The following ZNF517 variants were observed in gnomAD, a reference collection of about 807,000 sequenced individuals.
The protein encoded by ZNF517 is zinc finger protein 517.
ZNF517 carries 12 observed loss-of-function variants against 12.1 expected under a neutral mutation model. The ratio of observed to expected loss-of-function variants is 0.99; its 90% CI spans 0.63 to 1.61. The LOEUF (loss-of-function observed/expected upper bound fraction) is 1.61, where lower values mean the gene tolerates loss of function less well. Among genes scored for constraint, ZNF517 ranks in the 40% most tolerant of loss-of-function variants. The probability of loss-of-function intolerance (pLI) is 0.00; values close to 1 mark genes in which losing one functional copy is unlikely to be tolerated. For synonymous variants in ZNF517, 388 were observed against 310.2 expected (o/e 1.25, Z -2.63); for missense variants, 781 against 693.2 (o/e 1.13, Z -1.42).
intron 1 of ZNF517, among the ~76,000 whole-genome samples, chr8:144,799,499 T>TA (rs1826838759): frequency 6.6e-6 from 1 of 152,214 alleles, no homozygotes; most frequent in African/African-American, 2.4e-5. Context: ...TGAATTGTAA[T>TA]AGAGGTGAGG....
chr8:144,807,588 G>A lies in ZNF517; in HGVS notation c.672G>A (p.Gln224=), dbSNP rs940049236. 6 of 1,605,228 alleles carry A rather than the reference G, an allele frequency of 3.7e-6. No individual in the cohort carries two copies. In the African/African-American group the frequency reaches 6.7e-5, roughly 18 times the overall value. ...FKQSSILLRH[Q]LIHTEEKPFQ... ...AAAGCTCCATCCTGCTGCGGCACCA[G>A]CTGATCCACACTGAGGAGAAGCCGT... is the stretch of plus-strand genomic sequence containing the variant. The change falls in exon 5 of 5, where the codon CAG becomes CAA. Residue 224 remains glutamine (Q), a synonymous_variant. Transcript: ENST00000359971.
At position 144,807,750 on chromosome 8, in the gene ZNF517, G is replaced by T. The variant is rs1384417838; in HGVS notation, c.834G>T (p.Gln278His). ...KAFSRSSRLL[Q>H]HQKFHTGEKP... ...TCAGCCGCAGCTCCCGGCTGCTGCA[G>T]CACCAGAAGTTCCACACCGGGGAGA... The change falls in exon 5 of 5, where the codon CAG becomes CAT. Residue 278 changes from glutamine to histidine, a missense_variant. Coordinates refer to ENST00000359971, the MANE Select transcript of ZNF517 (RefSeq NM_213605.3). 3 of 1,612,434 alleles carry T rather than the reference G, an allele frequency of 1.9e-6. No homozygotes were observed. Among genetic ancestry groups the T allele is most frequent in the Non-Finnish European group, 8.5e-7 (1 of 1,179,574 alleles).
rs765803978 is a variant in ZNF517, at chr8:144,807,975, C to T, written c.1059C>T (p.Ala353=). 7 of 1,515,698 alleles carry T rather than the reference C, an allele frequency of 4.6e-6. No homozygotes were observed. The South Asian group carries it at 7.7e-5, about 17-fold the overall frequency. 93.9% of individuals were successfully genotyped at this position (1,515,698 alleles called of 1,614,324 possible). The change falls in exon 5 of 5, where the codon GCC becomes GCT. Residue 353 remains alanine (A), a synonymous_variant. Coordinates refer to ENST00000359971, the MANE Select transcript of ZNF517 (RefSeq NM_213605.3). Reference sequence around the variant, plus strand: ...AGGACGGCGGCGTGGGGCAGGGCGCCCTGCTCGGAGCTGCGCAGAGGCCCC... The same window carrying T: ...AGGACGGCGGCGTGGGGCAGGGCGCTCTGCTCGGAGCTGCGCAGAGGCCCC... ...GAQDGGVGQG[A]LLGAAQRPQA...
downstream of ZNF517, among the ~76,000 whole-genome samples, chr8:144,812,752 G>T (rs1827594493): frequency 6.6e-6 from 1 of 152,206 alleles, no homozygotes; most frequent in South Asian, 2.1e-4. Context: ...GAGCAGCCTG[G>T]TAAGAGAAAG....
Position 144,807,617 on chromosome 8 carries a change from A to G in ZNF517, c.701A>G (p.Gln234Arg). 1.2e-6 allele frequency: 2 copies of G among 1,609,348 alleles called. No individual in the cohort carries two copies. Among genetic ancestry groups the G allele is most frequent in the Non-Finnish European group, 1.7e-6 (2 of 1,178,644 alleles). ...QLIHTEEKPF[Q>R]CGECGKAFRQ... ...ATCCACACTGAGGAGAAGCCGTTCC[A>G]GTGCGGCGAGTGCGGGAAGGCCTTC... The change falls in exon 5 of 5, where the codon CAG (glutamine) becomes CGG (arginine). Residue 234 changes from glutamine to arginine, a missense_variant. Transcript: ENST00000359971.
At position 144,807,781 on chromosome 8, in the gene ZNF517, T is replaced by C. The variant is rs1227031617; in HGVS notation, c.865T>C (p.Phe289Leu). 3.1e-6 allele frequency: 5 copies of C among 1,611,970 alleles called. No homozygotes were observed. Among genetic ancestry groups the C allele is most frequent in the African/African-American group, 1.3e-5 (1 of 74,830 alleles). ...HQKFHTGEKP[F>L]ACTECGKAFC... ...GAAGTTCCACACCGGGGAGAAGCCC[T>C]TCGCGTGCACAGAGTGCGGCAAGGC... is the stretch of plus-strand genomic sequence containing the variant. Residue 289 changes from phenylalanine to leucine, a missense_variant, in exon 5 of 5, where the codon TTC (phenylalanine) becomes CTC (leucine). Physicochemically the swap from Phe to Leu is conservative, Grantham distance 22. Transcript: ENST00000359971.
intron 1 of ZNF517, among the ~76,000 whole-genome samples, chr8:144,801,521 A>G (rs1325225522): frequency 6.6e-6 from 1 of 152,120 alleles, no homozygotes; most frequent in Non-Finnish European, 1.5e-5. Flanking sequence ...TCTGTCACCC[A>G]GGCTGGAGTG....
chr8:144,804,581 C>T (rs527643289), intron 4 of ZNF517, among the ~76,000 whole-genome samples: 1 of 152,106 alleles, frequency 6.6e-6, no homozygotes, highest in African/African-American at 2.4e-5. Context: ...GAAATAAAGA[C>T]ACAAGACAAA....
Position 144,807,535 on chromosome 8 carries a change from T to TG in ZNF517, c.620dup (p.Cys207TrpfsTer23). ...CCACACCGGCGCCAAGCCCTTCCAGTGCACAGAGTGCGGGAAGGCCTTCAA... is the reference window on the plus strand; with the variant it reads ...CCACACCGGCGCCAAGCCCTTCCAGTGGCACAGAGTGCGGGAAGGCCTTCAA... On this transcript the variant is annotated frameshift_variant, in exon 5 of 5. Transcript: ENST00000359971. LOFTEE classifies it low-confidence loss of function (END_TRUNC). 1 of 1,596,468 alleles carries TG rather than the reference T, an allele frequency of 6.3e-7. No individual in the cohort carries two copies. Among genetic ancestry groups the TG allele is most frequent in the Non-Finnish European group, 8.5e-7 (1 of 1,171,862 alleles).
Position 144,803,713 on chromosome 8 carries a change from C to T in ZNF517, c.106C>T (p.Gln36Ter), listed in dbSNP as rs780770240. ...IEWSCLAPDQ[Q>*]ALYRDVMLEN... ...GTGGAGTTGCCTGGCCCCCGACCAG[C>T]AGGCACTCTACAGGGACGTGATGCT... The change falls in exon 3 of 5, where the codon CAG becomes TAG. Residue 36 changes from glutamine (Q) to a stop codon, truncating the protein, a stop_gained. Coordinates refer to ENST00000359971, the MANE Select transcript of ZNF517 (RefSeq NM_213605.3). LOFTEE classifies it high-confidence loss of function. 4 of 1,614,100 alleles carry T rather than the reference C, an allele frequency of 2.5e-6. No individual in the cohort carries two copies. The African/African-American group carries it at 5.3e-5, about 22-fold the overall frequency.
Position 144,798,937 on chromosome 8 carries a change from G to A in ZNF517, c.-46G>A, listed in dbSNP as rs1826790627. ...TCCCCGCGCTGTCTCGGCGGCCCAG[G>A]GTGAGTCGGCCGCGGCCGCGGGGCG... On this transcript the variant is annotated splice_region_variant and 5_prime_UTR_variant, in exon 1 of 5. Coordinates refer to ENST00000359971, the MANE Select transcript of ZNF517 (RefSeq NM_213605.3). 1 of 152,102 alleles carries A rather than the reference G, an allele frequency of 6.6e-6. No individual in the cohort carries two copies. Among genetic ancestry groups the A allele is most frequent in the African/African-American group, 2.4e-5 (1 of 41,428 alleles). The allele number at this position is 152,102 out of a possible 1,614,324, so 9.4% of individuals were successfully genotyped here.
downstream of ZNF517, chr8:144,810,110 C>T (rs1348130499): frequency 7.5e-6 from 5 of 666,456 alleles, no homozygotes; most frequent in Non-Finnish European, 1.4e-5. Flanking sequence ...CTCTAGAGGA[C>T]CCTAATACAC....
chr8:144,811,320 C>G (rs866239676), downstream of ZNF517, among the ~76,000 whole-genome samples: 2 of 152,226 alleles, frequency 1.3e-5, no homozygotes. Flanking sequence ...GTTCCCAGTC[C>G]CGGTACCAGC....
rs778465779 is a variant in ZNF517, at chr8:144,808,365, G to A, written c.1449G>A (p.Glu483=). The A allele has an allele frequency of 6.8e-7, 1 of 1,461,186 alleles. No individual in the cohort carries two copies. Among genetic ancestry groups the A allele is most frequent in the Non-Finnish European group, 9.0e-7 (1 of 1,105,848 alleles). The allele number at this position is 1,461,186 out of a possible 1,614,324, so 90.5% of individuals were successfully genotyped here. A position where few individuals can be genotyped will look rare whatever the true frequency, so the allele number is the denominator to read the frequency against. Residue 483 remains glutamate (E), a synonymous_variant, in exon 5 of 5, where the codon GAG becomes GAA. Coordinates refer to ENST00000359971, the MANE Select transcript of ZNF517 (RefSeq NM_213605.3). ...VHGREPGEDT[E]GRRAPCWAS The stretch of plus-strand genomic sequence containing the variant: ...GCCGCGAGCCCGGGGAGGACACAGA[G>A]GGCAGGCGGGCGCCCTGTTGGGCTT...
At position 144,809,685 on chromosome 8, in the gene ZNF517, G is replaced by C. The variant is rs1248720256; in HGVS notation, c.*1290G>C. 1 of 152,900 alleles carries C rather than the reference G, an allele frequency of 6.5e-6. No homozygotes were observed. The highest frequency in any genetic ancestry group is 1.5e-5 in the Non-Finnish European group (1 of 68,624). The allele number at this position is 152,900 out of a possible 1,614,324, so 9.5% of individuals were successfully genotyped here. The stretch of plus-strand genomic sequence containing the variant: ...TGAGCCTCACTTACAGCTTCTCTAG[G>C]TCTCCAGCTTGCAGACAGCCTATGG... On this transcript the variant is annotated 3_prime_UTR_variant, in exon 5 of 5. Coordinates refer to ENST00000359971, the MANE Select transcript of ZNF517 (RefSeq NM_213605.3).
At chr8:144,799,758 G>A (rs1167187568) in intron 1 of ZNF517, among the ~76,000 whole-genome samples, 4 of 151,734 alleles carry the variant, frequency 2.6e-5, no homozygotes, top group Admixed American at 1.3e-4. Context: ...GGCTAACACG[G>A]TGAAACCCTG....
At chr8:144,806,634 G>A (rs1454307062) in intron 4 of ZNF517, among the ~76,000 whole-genome samples, 1 of 150,962 alleles carries the variant, frequency 6.6e-6, no homozygotes, top group Non-Finnish European at 1.5e-5. Context: ...ACAGGCGCTC[G>A]CCACCGCACA....
In ZNF517 at chr8:144,808,402, G is replaced by A. The variant is rs770843617; in HGVS notation, c.*7G>A. The A allele has an allele frequency of 6.9e-7, 1 of 1,453,366 alleles. No individual in the cohort carries two copies. The highest frequency in any genetic ancestry group is 9.1e-7 in the Non-Finnish European group (1 of 1,103,680). 90.0% of individuals were successfully genotyped at this position (1,453,366 alleles called of 1,614,324 possible). A position where few individuals can be genotyped will look rare whatever the true frequency, so the allele number is the denominator to read the frequency against. ...GCCCTGTTGGGCTTCCTGATGACGGGGACGACAGGCCGAGGATTCACGCTG... is the reference window on the plus strand; with the variant it reads ...GCCCTGTTGGGCTTCCTGATGACGGAGACGACAGGCCGAGGATTCACGCTG... On this transcript the variant is annotated 3_prime_UTR_variant, in exon 5 of 5. Coordinates refer to ENST00000359971, the MANE Select transcript of ZNF517 (RefSeq NM_213605.3).
Position 144,808,342 on chromosome 8 carries a change from C to G in ZNF517, c.1426C>G (p.Arg476Gly). The G allele has an allele frequency of 6.7e-7, 1 of 1,482,608 alleles. No individual in the cohort carries two copies. Among genetic ancestry groups the G allele is most frequent in the Non-Finnish European group, 9.0e-7 (1 of 1,113,736 alleles). The allele number at this position is 1,482,608 out of a possible 1,614,324, so 91.8% of individuals were successfully genotyped here. A position where few individuals can be genotyped will look rare whatever the true frequency, so the allele number is the denominator to read the frequency against. ...TLIQHQKVHG[R>G]EPGEDTEGRR... ...CATCCAGCACCAGAAGGTGCACGGC[C>G]GCGAGCCCGGGGAGGACACAGAGGG... Residue 476 changes from arginine to glycine, a missense_variant, in exon 5 of 5, where the codon CGC becomes GGC. Arg to Gly is a moderately radical substitution (Grantham distance 125, BLOSUM62 -2). Transcript: ENST00000359971.
Sources: gnomAD v4.1 joint callset for allele counts (sites outside exome capture counted in the v4.1 genomes callset) on GRCh38, gnomAD v4.1.1 for gene constraint, MANE v1.5 for transcripts, NCBI Gene and HGNC (gene_info 2026-07-23, HGNC 2026-07-21) for gene names.